Variants in LCORL observed in about 807,000 individuals in gnomAD.
The protein encoded by LCORL is ligand dependent nuclear receptor corepressor like.
In LCORL, 41 loss-of-function variants were observed where a neutral mutation model predicts 141.8. The observed-to-expected ratio is 0.29, with a 90% CI of 0.23 to 0.38. LCORL has a LOEUF of 0.38. LCORL is among the 10% of genes least tolerant of loss of function. LCORL has a pLI of 1.00. For missense variants in LCORL, 1,759 were observed against 2,035.0 expected (o/e 0.86, Z 2.61); for synonymous variants, 618 against 694.1 (o/e 0.89, Z 1.72).
chr4:17,869,127 A>G (rs1019854161), intron 7 of LCORL, among the ~76,000 whole-genome samples: 2 of 148,550 alleles, frequency 1.3e-5, no homozygotes. Flanking sequence ...CCTATACCCA[A>G]TAATCTACAC....
At chr4:17,923,547 G>A (rs527922545) in intron 4 of LCORL, among the ~76,000 whole-genome samples, 6 of 152,142 alleles carry the variant, frequency 3.9e-5, no homozygotes, top group Non-Finnish European at 8.8e-5. Context: ...TTAGGAGGCT[G>A]AGACAGGAGA....
intron 1 of LCORL, among the ~76,000 whole-genome samples, chr4:18,016,672 A>G (rs959103809): frequency 1.3e-5 from 2 of 152,156 alleles, no homozygotes; most frequent in African/African-American, 2.4e-5. Flanking sequence ...TAATTTCTAT[A>G]TGGATTGGTG....
intron 7 of LCORL, among the ~76,000 whole-genome samples, chr4:17,864,573 A>C (rs1374636302): frequency 2.6e-5 from 4 of 152,204 alleles, no homozygotes; most frequent in Admixed American, 1.3e-4. Context: ...ATCCAAAAGA[A>C]GGCTGGAAAA....
At chr4:17,961,984 G>A (rs1204202184) in exon 4 of LCORL, 2 of 1,608,950 alleles carry the variant, frequency 1.2e-6, no homozygotes, top group South Asian at 1.1e-5. Flanking sequence ...TGAGATGATA[G>A]CTCCTCTGTT....
At chr4:17,889,881 TA>T (rs1364973558) in intron 5 of LCORL, among the ~76,000 whole-genome samples, 1 of 152,086 alleles carries the variant, frequency 6.6e-6, no homozygotes, top group African/African-American at 2.4e-5. Flanking sequence ...AAATATATGA[TA>T]AAAATCTGTT....
chr4:17,872,511 T>C (rs1408448750), intron 7 of LCORL, among the ~76,000 whole-genome samples: 2 of 152,150 alleles, frequency 1.3e-5, no homozygotes, highest in Non-Finnish European at 2.9e-5. Flanking sequence ...CTCAAAGCAG[T>C]CCTGGGCTGC....
At chr4:17,890,767 G>A (rs927076525) in intron 5 of LCORL, among the ~76,000 whole-genome samples, 5 of 151,962 alleles carry the variant, frequency 3.3e-5, no homozygotes, top group African/African-American at 4.8e-5. Context: ...ATAAACTGAC[G>A]TTTCAAAAAT....
intron 1 of LCORL, among the ~76,000 whole-genome samples, chr4:18,011,671 T>C (rs1417512796): frequency 6.6e-6 from 1 of 152,248 alleles, no homozygotes; most frequent in Non-Finnish European, 1.5e-5. Flanking sequence ...CTATGGTTTA[T>C]AGGCCAAATC....
At chr4:17,908,458 GCTAC>G (rs1481678759) in intron 5 of LCORL, among the ~76,000 whole-genome samples, 2 of 152,126 alleles carry the variant, frequency 1.3e-5, no homozygotes, top group African/African-American at 4.8e-5. Flanking sequence ...ATTAACAAAA[GCTAC>G]CTAAATTGTC....
Position 17,961,893 on chromosome 4 carries a change from C to A in LCORL, c.430+10G>T. ...TGCAAATTTTAAATGACAAAGCATA[C>A]CAATATTACCTTTCTTTCGAAAGAG... On this transcript the variant is annotated intron_variant, in intron 4 of 7. Transcript: ENST00000635767. 1 of 1,599,116 alleles carries A rather than the reference C, an allele frequency of 6.3e-7. No individual in the cohort carries two copies. Among genetic ancestry groups the A allele is most frequent in the Non-Finnish European group, 8.5e-7 (1 of 1,174,110 alleles).
At chr4:17,952,711 G>A (rs1252588741) in intron 4 of LCORL, among the ~76,000 whole-genome samples, 5 of 152,096 alleles carry the variant, frequency 3.3e-5, no homozygotes, top group African/African-American at 9.7e-5. Context: ...CACCGCCCCC[G>A]GCCAAAAACA....
chr4:17,874,079 T>C (rs1726660783), exon 7 of LCORL: 1 of 1,232,858 alleles, frequency 8.1e-7, no homozygotes, highest in East Asian at 3.2e-5. Context: ...CAGTCTTATT[T>C]AAAAATTGGT....
At chr4:17,975,019 G>C (rs1344244064) in intron 1 of LCORL, among the ~76,000 whole-genome samples, 4 of 151,894 alleles carry the variant, frequency 2.6e-5, no homozygotes, top group African/African-American at 9.7e-5. Flanking sequence ...TTTTACAAAA[G>C]ATCAATTTTT....
At chr4:17,965,819 G>C (rs895132455) in intron 2 of LCORL, among the ~76,000 whole-genome samples, 3 of 152,020 alleles carry the variant, frequency 2.0e-5, no homozygotes, top group African/African-American at 4.8e-5. Flanking sequence ...CACCTCAACA[G>C]ATGTAATTTT....
exon 5 of LCORL, chr4:17,909,177 T>G: frequency 6.2e-7 from 1 of 1,613,448 alleles, no homozygotes; most frequent in Non-Finnish European, 8.5e-7. Flanking sequence ...GTTTTCTGCT[T>G]GATTCATTTG....
Position 17,884,194 on chromosome 4 carries a change from G to A in LCORL, c.776+1874C>T. 1.9e-6 allele frequency: 3 copies of A among 1,549,952 alleles called. No individual in the cohort carries two copies. Among genetic ancestry groups the A allele is most frequent in the Non-Finnish European group, 2.6e-6 (3 of 1,146,140 alleles). The stretch of plus-strand genomic sequence containing the variant: ...GTTTTTGGAGAGCTGATCCTTCTAG[G>A]ACTGAAGAGGTTTTGGAAACTTGAT... On this transcript the variant is annotated intron_variant, in intron 6 of 7. Coordinates refer to ENST00000635767, the Ensembl canonical transcript of LCORL. The surrounding 1 kb of genome is among the most constrained non-coding windows in gnomAD (Gnocchi z 4.4).
chr4:17,881,879 T>G (rs1032266224), intron 6 of LCORL: 51 of 983,536 alleles, frequency 5.2e-5, no homozygotes, highest in Non-Finnish European at 6.0e-5. Context: ...TACTAAATAA[T>G]GCAAGTTCTG....
intron 1 of LCORL, among the ~76,000 whole-genome samples, chr4:18,000,642 C>T (rs1721802906): frequency 6.6e-6 from 1 of 152,166 alleles, no homozygotes; most frequent in Non-Finnish European, 1.5e-5. Context: ...ACATAAAATA[C>T]TGAGCTAAAG....
chr4:17,983,593 G>T (rs1718401069), intron 1 of LCORL, among the ~76,000 whole-genome samples: 1 of 152,024 alleles, frequency 6.6e-6, no homozygotes, highest in Non-Finnish European at 1.5e-5. Flanking sequence ...AGGAATGAGG[G>T]TAATATTTGT....
Sources: allele counts gnomAD v4.1 joint callset (sites outside exome capture counted in the v4.1 genomes callset), GRCh38; gene constraint gnomAD v4.1.1; non-coding constraint Gnocchi (gnomAD v3.1); transcripts MANE v1.5; gene names NCBI Gene and HGNC (gene_info 2026-07-23, HGNC 2026-07-21).